Variants in KDM4C observed in about 807,000 individuals in gnomAD.
KDM4C encodes the protein lysine demethylase 4C, also known as lysine-specific demethylase 4C.
Under a neutral mutation model 129.3 loss-of-function variants are expected in KDM4C, and 81 were observed. The ratio of observed to expected loss-of-function variants is 0.63; its 90% CI spans 0.52 to 0.75. The LOEUF is 0.75. Among genes scored for constraint, KDM4C ranks in the 30% least tolerant of loss-of-function variants. KDM4C has a pLI of 0.00. For synonymous variants in KDM4C, 573 were observed against 456.1 expected, an observed-to-expected ratio of 1.26 and a Z score of -3.26; for missense variants, 1,457 against 1,304.0, an observed-to-expected ratio of 1.12 and a Z score of -1.81.
At chr9:7,161,445 C>G (rs7038552) in intron 19 of KDM4C, among the ~76,000 whole-genome samples, 83,976 of 152,080 alleles carry the variant, frequency 0.55, 23,803 homozygotes, top group Non-Finnish European at 0.61. Flanking sequence ...GGGAGCTGTT[C>G]CTATTTGGCC....
chr9:6,774,955 A>G (rs1822685896), intron 1 of KDM4C, among the ~76,000 whole-genome samples: 1 of 152,154 alleles, frequency 6.6e-6, no homozygotes, highest in Admixed American at 6.5e-5. Context: ...TTGATTTCAG[A>G]TTTGTGAAAA....
At chr9:7,096,928 G>A (rs1378877565) in intron 17 of KDM4C, among the ~76,000 whole-genome samples, 1 of 152,214 alleles carries the variant, frequency 6.6e-6, no homozygotes, top group Non-Finnish European at 1.5e-5. Flanking sequence ...AGTGAAGTTT[G>A]TGCCAGAGTA....
In KDM4C at chr9:6,793,080, A is replaced by G; in HGVS notation, c.92A>G (p.Lys31Arg). 6.2e-7 allele frequency: 1 copy of G among 1,614,116 alleles called. No homozygotes were observed. Among genetic ancestry groups the G allele is most frequent in the East Asian group, 2.2e-5 (1 of 44,878 alleles). The change falls in exon 2 of 22, where the codon AAA becomes AGA. Residue 31 changes from lysine (K) to arginine (R), a missense_variant. Coordinates refer to ENST00000381309, the MANE Select transcript of KDM4C (RefSeq NM_015061.6). Reference protein sequence around the residue: ...PSMEEFREFNKYLAYMESKGA... With the variant: ...PSMEEFREFNRYLAYMESKGA... ...ATGGAGGAGTTCCGGGAGTTCAACA[A>G]ATACCTTGCATACATGGAGTCTAAA... is the stretch of plus-strand genomic sequence containing the variant.
At chr9:6,869,768 G>A (rs1842582486) in intron 5 of KDM4C, among the ~76,000 whole-genome samples, 1 of 152,202 alleles carries the variant, frequency 6.6e-6, no homozygotes, top group African/African-American at 2.4e-5. Flanking sequence ...GGCAGCAAGG[G>A]CCTTGCCAGG....
intron 1 of KDM4C, among the ~76,000 whole-genome samples, chr9:6,775,429 G>A (rs935301816): frequency 6.6e-6 from 1 of 152,058 alleles, no homozygotes; most frequent in South Asian, 2.1e-4. Flanking sequence ...ATTGATTTTT[G>A]AGTTTTCAGT....
At chr9:6,757,527 C>A, upstream of KDM4C, 1 of 680,496 alleles carries the variant, frequency 1.5e-6, no homozygotes, top group Non-Finnish European at 1.8e-6. Context: ...AGAACGGGAA[C>A]ACAGCGCTGT....
At chr9:6,721,402 G>A (rs1458532887) in intron 1 of KDM4C, among the ~76,000 whole-genome samples, 2 of 148,012 alleles carry the variant, frequency 1.4e-5, no homozygotes, top group Non-Finnish European at 3.0e-5. Flanking sequence ...TTGTGCCTTT[G>A]CCTCCCAAGT....
intron 3 of KDM4C, among the ~76,000 whole-genome samples, chr9:6,808,735 C>T (rs996254163): frequency 1.4e-5 from 2 of 147,126 alleles, no homozygotes; most frequent in South Asian, 4.4e-4. Flanking sequence ...TTACATCTGC[C>T]ATATTCTGTT....
intron 8 of KDM4C, among the ~76,000 whole-genome samples, chr9:6,901,976 G>T (rs1817487349): frequency 6.6e-6 from 1 of 152,148 alleles, no homozygotes; most frequent in Admixed American, 6.5e-5. Flanking sequence ...TGAGGATAAG[G>T]GACAAACATT....
intron 19 of KDM4C, among the ~76,000 whole-genome samples, chr9:7,147,505 T>A (rs1842323077): frequency 6.6e-6 from 1 of 152,248 alleles, no homozygotes; most frequent in South Asian, 2.1e-4. Flanking sequence ...AAATTTTTAT[T>A]GACATAGTAA....
upstream of KDM4C, among the ~76,000 whole-genome samples, chr9:6,754,199 T>G (rs1468683371): frequency 6.6e-6 from 1 of 151,702 alleles, no homozygotes; most frequent in Admixed American, 6.6e-5. Context: ...TATATTTGTT[T>G]TGTTTTCTTT....
rs912851040 is a variant in KDM4C at position 6,940,039 on chromosome 9, T to C, written c.922-40886T>C. ...CTTCCTTCCTTCCTTCCTTCTTTCC[T>C]TCCTTCCCTCCTTCCCTCCTTCCCT... On this transcript the variant is annotated intron_variant, in intron 8 of 21. Coordinates refer to ENST00000381309, the MANE Select transcript of KDM4C (RefSeq NM_015061.6). Among the ~76,000 whole-genome samples, 79 of 129,836 alleles carry C rather than the reference T, an allele frequency of 6.1e-4. 1 individual carries two copies. Among genetic ancestry groups the C allele is most frequent in the African/African-American group, 1.3e-3 (48 of 35,846 alleles). The allele number at this position is 129,836 out of a possible 152,430, so 85.2% of individuals were successfully genotyped here. A position where few individuals can be genotyped will look rare whatever the true frequency, so the allele number is the denominator to read the frequency against.
At chr9:7,146,022 C>A (rs905605340) in intron 19 of KDM4C, among the ~76,000 whole-genome samples, 1 of 152,180 alleles carries the variant, frequency 6.6e-6, no homozygotes, top group African/African-American at 2.4e-5. Context: ...TTCCTTTGAT[C>A]TGGACATTGA....
At chr9:6,934,670 G>T (rs1311643639) in intron 8 of KDM4C, among the ~76,000 whole-genome samples, 1 of 151,688 alleles carries the variant, frequency 6.6e-6, no homozygotes, top group Admixed American at 6.6e-5. Context: ...CACCATGTTG[G>T]CCAGGATGGT....
chr9:7,165,242 G>A lies in KDM4C; in HGVS notation c.2786G>A (p.Arg929Gln), dbSNP rs752244908. 6 of 1,614,086 alleles carry A rather than the reference G, an allele frequency of 3.7e-6. No homozygotes were observed. The highest frequency in any genetic ancestry group is 3.3e-4 in the Middle Eastern group (2 of 6,052). The part of the protein sequence containing the change: ...RDTFPEDIVS[R>Q]DCLKLGPPAE... ...CTGTCTCTGTTTATTCTGCAGAGCC[G>A]AGACTGTCTGAAGCTGGGCCCACCT... Residue 929 changes from arginine to glutamine, a missense_variant, in exon 20 of 22, where the codon CGA becomes CAA. Coordinates refer to ENST00000381309, the MANE Select transcript of KDM4C (RefSeq NM_015061.6).
intron 1 of KDM4C, among the ~76,000 whole-genome samples, chr9:6,747,311 G>A (rs1817915612): frequency 6.6e-6 from 1 of 151,984 alleles, no homozygotes; most frequent in Admixed American, 6.6e-5. Flanking sequence ...ACTTTGGGAG[G>A]CCGAGAGGGG....
intron 5 of KDM4C, among the ~76,000 whole-genome samples, chr9:6,867,013 ATATATTTT>A (rs752414726): frequency 0.028 from 2,169 of 78,770 alleles, 55 homozygotes; most frequent in African/African-American, 0.075. Flanking sequence ...ATATATATAT[ATATATTTT>A]TTTTTTTTTT....
At chr9:6,915,241 A>G (rs1410725861) in intron 8 of KDM4C, among the ~76,000 whole-genome samples, 1 of 152,202 alleles carries the variant, frequency 6.6e-6, no homozygotes, top group African/African-American at 2.4e-5. Flanking sequence ...ATCTCTTTCT[A>G]CTGTTTAGGT....
chr9:6,986,865 A>C (rs188906837), intron 11 of KDM4C, 199 bp downstream of exon 11: 40 of 493,314 alleles, frequency 8.1e-5, no homozygotes, highest in South Asian at 2.2e-4. Flanking sequence ...AATTTAGCAC[A>C]TGGAGCTTAT....
Sources: gnomAD v4.1 joint callset for allele counts (sites outside exome capture counted in the v4.1 genomes callset) on GRCh38, gnomAD v4.1.1 for gene constraint, MANE v1.5 for transcripts, NCBI Gene and HGNC (gene_info 2026-07-23, HGNC 2026-07-21) for gene names.